GLIS3: variants seen among roughly 807,000 people sequenced by gnomAD.
The protein encoded by GLIS3 is zinc finger protein GLIS3.
GLIS3 carries 53 observed loss-of-function variants against 78.6 expected under a neutral mutation model. That is an observed-to-expected ratio of 0.67 (90% confidence interval 0.54 to 0.85). GLIS3 has a LOEUF of 0.85. GLIS3 is among the 40% of genes least tolerant of loss of function. The pLI, the probability that GLIS3 is intolerant of heterozygous loss-of-function variation, is 0.00. For synonymous variants in GLIS3, 684 were observed against 509.9 expected, an observed-to-expected ratio of 1.34 and a Z score of -4.60; for missense variants, 1,703 against 1,231.1, an observed-to-expected ratio of 1.38 and a Z score of -5.74.
In GLIS3 at chr9:4,286,932, C is replaced by T. The variant is rs17717099; in HGVS notation, c.-98-409G>A. Among the ~76,000 whole-genome samples, 4 of 152,234 alleles carry T rather than the reference C, an allele frequency of 2.6e-5. No individual in the cohort carries two copies. The East Asian group carries it at 7.7e-4, about 29-fold the overall frequency. ...GCTGTGAGACCAATGCTTCAAAGTTCCAGTAAACAACCACAAAGCAGACAT... is the reference window on the plus strand; with the variant it reads ...GCTGTGAGACCAATGCTTCAAAGTTTCAGTAAACAACCACAAAGCAGACAT... On this transcript the variant is annotated intron_variant, in intron 1 of 10. Transcript: ENST00000381971.
At chr9:4,365,560 A>C in the GLIS3 span, among the ~76,000 whole-genome samples, 1 of 151,734 alleles carries the variant, frequency 6.6e-6, no homozygotes, top group Non-Finnish European at 1.5e-5. Context: ...CATCTCAAAA[A>C]AAAAGAAAAA....
intron 4 of GLIS3, among the ~76,000 whole-genome samples, chr9:4,001,269 T>C (rs1050417528): frequency 6.6e-6 from 1 of 152,234 alleles, no homozygotes; most frequent in Admixed American, 6.5e-5. Context: ...AAAAAATCTT[T>C]TGGCAATGAA....
intron 4 of GLIS3, among the ~76,000 whole-genome samples, chr9:3,952,053 G>C (rs1343188373): frequency 7.3e-5 from 11 of 151,606 alleles, no homozygotes; most frequent in Admixed American, 7.2e-4. Context: ...GTACCCCCAG[G>C]CCAAGATAAT....
intron 2 of GLIS3, among the ~76,000 whole-genome samples, chr9:4,203,557 A>C (rs1819592329): frequency 6.6e-6 from 1 of 152,264 alleles, no homozygotes; most frequent in South Asian, 2.1e-4. Context: ...GGAAAAAAAC[A>C]GAATTATTAA....
intron 4 of GLIS3, among the ~76,000 whole-genome samples, chr9:3,961,979 C>A (rs770162242): frequency 6.6e-6 from 1 of 151,996 alleles, no homozygotes; most frequent in East Asian, 1.9e-4. Context: ...CCGAGGCAGG[C>A]GGATTGCTTG....
the GLIS3 span, among the ~76,000 whole-genome samples, chr9:4,356,899 T>C: frequency 6.6e-6 from 1 of 152,238 alleles, no homozygotes; most frequent in Non-Finnish European, 1.5e-5. Context: ...AAGAGCATTA[T>C]ACCAGGAGCT....
intron 4 of GLIS3, among the ~76,000 whole-genome samples, chr9:4,047,750 C>T (rs975964697): frequency 1.3e-5 from 2 of 152,090 alleles, no homozygotes; most frequent in African/African-American, 2.4e-5. Flanking sequence ...GAAAAGGGAA[C>T]CCTAGTTGAT....
the GLIS3 span, among the ~76,000 whole-genome samples, chr9:4,371,357 C>T: frequency 6.6e-6 from 1 of 152,236 alleles, no homozygotes; most frequent in Admixed American, 6.5e-5. Context: ...CACTCCACTT[C>T]TTCCACTGGA....
At chr9:4,245,552 G>A (rs939652784) in intron 2 of GLIS3, among the ~76,000 whole-genome samples, 2 of 152,220 alleles carry the variant, frequency 1.3e-5, no homozygotes, top group Non-Finnish European at 2.9e-5. Context: ...GTAAGGATGT[G>A]CAGTGGATGC....
At chr9:4,058,241 T>C (rs1826309064) in intron 4 of GLIS3, among the ~76,000 whole-genome samples, 1 of 152,060 alleles carries the variant, frequency 6.6e-6, no homozygotes, top group Non-Finnish European at 1.5e-5. Flanking sequence ...TTTTCCTTGT[T>C]TTTTTTTGGC....
intron 4 of GLIS3, among the ~76,000 whole-genome samples, chr9:3,938,479 G>A (rs745422794): frequency 6.6e-6 from 1 of 152,052 alleles, no homozygotes; most frequent in Non-Finnish European, 1.5e-5. Context: ...ATCTAGAGCT[G>A]GCCAGGTTTT....
chr9:4,243,654 A>G (rs1361627334), intron 2 of GLIS3, among the ~76,000 whole-genome samples: 1 of 152,234 alleles, frequency 6.6e-6, no homozygotes, highest in Admixed American at 6.5e-5. Flanking sequence ...AAGGGTTATT[A>G]CAGAGTGTCA....
chr9:4,236,024 C>T (rs1475977997), intron 2 of GLIS3, among the ~76,000 whole-genome samples: 2 of 151,884 alleles, frequency 1.3e-5, no homozygotes, highest in Admixed American at 6.6e-5. Flanking sequence ...GCACACAACA[C>T]TCTACACAAA....
rs893436198 is a variant in GLIS3, at chr9:4,123,789, G to C, written c.596+1945C>G. ...CCACCCATGGTCGTCTCTGGGGACA[G>C]AATTCAGGATGACTGTCATTTAGTG... is the stretch of plus-strand genomic sequence containing the variant. On this transcript the variant is annotated intron_variant, in intron 3 of 10. Transcript: ENST00000381971. 5 of 398,198 alleles carry C rather than the reference G, an allele frequency of 1.3e-5. No homozygotes were observed. In the East Asian group the frequency reaches 1.4e-4, roughly 11 times the overall value. 24.7% of individuals were successfully genotyped at this position (398,198 alleles called of 1,614,324 possible). A position where few individuals can be genotyped will look rare whatever the true frequency, so the allele number is the denominator to read the frequency against.
At chr9:4,437,003 G>T in the GLIS3 span, among the ~76,000 whole-genome samples, 1 of 152,054 alleles carries the variant, frequency 6.6e-6, no homozygotes, top group Non-Finnish European at 1.5e-5. Context: ...AGCTGCAGTA[G>T]AAGTATAGAG....
intron 4 of GLIS3, among the ~76,000 whole-genome samples, chr9:4,109,923 C>G (rs527856253): frequency 6.6e-6 from 1 of 152,172 alleles, no homozygotes; most frequent in East Asian, 1.9e-4. Context: ...CCTCCTCTAA[C>G]AAGCCTGCCC....
At chr9:4,400,341 A>T in the GLIS3 span, among the ~76,000 whole-genome samples, 1 of 152,168 alleles carries the variant, frequency 6.6e-6, no homozygotes, top group South Asian at 2.1e-4. Context: ...CAGGCTAGAG[A>T]AGCAAAGGGT....
intron 4 of GLIS3, among the ~76,000 whole-genome samples, chr9:3,968,393 C>T (rs887253249): frequency 1.3e-5 from 2 of 152,062 alleles, no homozygotes; most frequent in Admixed American, 6.5e-5. Context: ...ATCAGTTAAG[C>T]AACAAACAAA....
chr9:4,306,968 T>C (rs893065616), intron 4 of GLIS3, among the ~76,000 whole-genome samples: 1 of 152,266 alleles, frequency 6.6e-6, no homozygotes, highest in Non-Finnish European at 1.5e-5. Flanking sequence ...ATGTTCTCCC[T>C]GTCACTGCTT....
Sources: allele counts gnomAD v4.1 joint callset (sites outside exome capture counted in the v4.1 genomes callset), GRCh38; gene constraint gnomAD v4.1.1; transcripts MANE v1.5; gene names NCBI Gene and HGNC (gene_info 2026-07-23, HGNC 2026-07-21).